The following TUBGCP3 variants were observed in gnomAD, a reference collection of about 807,000 sequenced individuals.
TUBGCP3 encodes the protein gamma-tubulin complex component 3.
In TUBGCP3, 50 loss-of-function variants were observed where a neutral mutation model predicts 123.1. The ratio of observed to expected loss-of-function variants is 0.41; its 90% CI spans 0.32 to 0.51. TUBGCP3 has a LOEUF of 0.51. Ranked by LOEUF, TUBGCP3 falls within the 20% of genes least tolerant of loss-of-function variation. The pLI is 0.36. For synonymous variants in TUBGCP3, 405 were observed against 413.9 expected, an observed-to-expected ratio of 0.98 and a Z score of 0.26; for missense variants, 882 against 1,127.0, an observed-to-expected ratio of 0.78 and a Z score of 3.11.
intron 19 of TUBGCP3, among the ~76,000 whole-genome samples, chr13:112,500,282 C>G (rs1011744451): frequency 7.2e-5 from 11 of 152,092 alleles, no homozygotes; most frequent in Admixed American, 1.3e-4. Context: ...AGGGCAGAAC[C>G]CTCTTAGCTT....
intron 20 of TUBGCP3, 125 bp from the exon 21 acceptor site, chr13:112,489,822 A>T: frequency 1.5e-6 from 1 of 682,730 alleles, no homozygotes; most frequent in Non-Finnish European, 2.5e-6. Flanking sequence ...GTACTGTTCA[A>T]CACTTTCACA....
Position 112,545,616 on chromosome 13 carries a change from A to T in TUBGCP3, c.1335+83T>A. The T allele has an allele frequency of 6.6e-7, 1 of 1,508,556 alleles. No individual in the cohort carries two copies. Among genetic ancestry groups the T allele is most frequent in the Non-Finnish European group, 9.1e-7 (1 of 1,092,986 alleles). 93.4% of individuals were successfully genotyped at this position (1,508,556 alleles called of 1,614,324 possible). A position where few individuals can be genotyped will look rare whatever the true frequency, so the allele number is the denominator to read the frequency against. ...GCATTCCTGTTAGGAGAACATGGTA[A>T]TCATGAGGGGAAAAATGAAACAGCA... On this transcript the variant is annotated intron_variant, in intron 11 of 21. Coordinates refer to ENST00000261965, the MANE Select transcript of TUBGCP3 (RefSeq NM_006322.6). The surrounding 1 kb of genome is among the most constrained non-coding windows in gnomAD (Gnocchi z 4.1).
At chr13:112,583,856 C>T (rs945328994) in intron 1 of TUBGCP3, among the ~76,000 whole-genome samples, 3 of 152,190 alleles carry the variant, frequency 2.0e-5, no homozygotes, top group Non-Finnish European at 4.4e-5. Flanking sequence ...AGAGCACATA[C>T]ACTAGCCACC....
At chr13:112,572,900 C>T (rs1193652739) in intron 1 of TUBGCP3, among the ~76,000 whole-genome samples, 1 of 152,042 alleles carries the variant, frequency 6.6e-6, no homozygotes, top group South Asian at 2.1e-4. Context: ...GTGCCAAAAA[C>T]TTCCAATTGT....
upstream of TUBGCP3, among the ~76,000 whole-genome samples, chr13:112,592,963 C>T (rs180864065): frequency 1.3e-4 from 20 of 152,160 alleles, no homozygotes; most frequent in Admixed American, 9.2e-4. The surrounding 1 kb of genome is among the most constrained non-coding windows in gnomAD (Gnocchi z 4.1). Flanking sequence ...AAACTAGTTT[C>T]GAAAAAGAAA....
intron 13 of TUBGCP3, among the ~76,000 whole-genome samples, chr13:112,525,844 CT>C (rs1877010801): frequency 6.6e-6 from 1 of 152,166 alleles, no homozygotes; most frequent in Non-Finnish European, 1.5e-5. Context: ...CACACTGCCA[CT>C]TTATCATTTT....
upstream of TUBGCP3, chr13:112,588,227 C>T (rs1882775801): frequency 1.4e-5 from 5 of 359,794 alleles, no homozygotes; most frequent in African/African-American, 2.1e-5. Flanking sequence ...GTTCCCGGCC[C>T]TGTCTGGTGC....
the TUBGCP3 span, among the ~76,000 whole-genome samples, chr13:112,601,830 G>T: frequency 1.3e-5 from 2 of 152,214 alleles, no homozygotes; most frequent in Non-Finnish European, 1.5e-5. Context: ...AAGCCAGAGG[G>T]TAGGAGAACC....
At chr13:112,543,370 T>C (rs934493588) in intron 11 of TUBGCP3, among the ~76,000 whole-genome samples, 1 of 152,170 alleles carries the variant, frequency 6.6e-6, no homozygotes, top group Non-Finnish European at 1.5e-5. Context: ...AGAAAGTTCA[T>C]ACAACAAAAG....
chr13:112,519,788 C>G lies in TUBGCP3; in HGVS notation c.1881+98G>C. ...CAGTTTCCAGAAAGATAACGGCTAG[C>G]TGTGCCTGAAACAACATGGAAAACA... On this transcript the variant is annotated intron_variant, in intron 15 of 21. Coordinates refer to ENST00000261965, the MANE Select transcript of TUBGCP3 (RefSeq NM_006322.6). This position sits in a 1 kb window ranked among gnomAD's most constrained non-coding sequence, Gnocchi z 6.2. 1 of 1,447,230 alleles carries G rather than the reference C, an allele frequency of 6.9e-7. No homozygotes were observed. Among genetic ancestry groups the G allele is most frequent in the Non-Finnish European group, 9.1e-7 (1 of 1,094,856 alleles). 89.6% of individuals were successfully genotyped at this position (1,447,230 alleles called of 1,614,324 possible).
intron 14 of TUBGCP3, 134 bp from the exon 15 acceptor site, chr13:112,520,155 C>T (rs747047381): frequency 6.3e-5 from 46 of 731,094 alleles, no homozygotes; most frequent in South Asian, 1.5e-4. Flanking sequence ...TACAATAATG[C>T]GGCAACAAAA....
At chr13:112,574,698 A>G (rs1324993109) in intron 1 of TUBGCP3, among the ~76,000 whole-genome samples, 1 of 152,234 alleles carries the variant, frequency 6.6e-6, no homozygotes, top group Non-Finnish European at 1.5e-5. Context: ...TGGCAAAAAT[A>G]CATAAAACAC....
chr13:112,489,985 T>A (rs975805650), intron 20 of TUBGCP3, among the ~76,000 whole-genome samples: 1 of 150,770 alleles, frequency 6.6e-6, no homozygotes, highest in African/African-American at 2.4e-5. Flanking sequence ...TCATCTCATT[T>A]CATGGGATGA....
chr13:112,579,508 T>G (rs1882122532), intron 1 of TUBGCP3, among the ~76,000 whole-genome samples: 1 of 136,424 alleles, frequency 7.3e-6, no homozygotes, highest in Non-Finnish European at 1.5e-5. Flanking sequence ...CACTGCTGAG[T>G]GTCAGGGGGC....
chr13:112,582,559 T>C (rs1566596259), intron 1 of TUBGCP3, among the ~76,000 whole-genome samples: 2 of 152,208 alleles, frequency 1.3e-5, no homozygotes, highest in Admixed American at 6.5e-5. Context: ...AGGGCGGCAC[T>C]GGACACTGCT....
At chr13:112,580,780 T>G (rs1315520684) in intron 1 of TUBGCP3, among the ~76,000 whole-genome samples, 1 of 152,176 alleles carries the variant, frequency 6.6e-6, no homozygotes, top group Non-Finnish European at 1.5e-5. Flanking sequence ...ATCCAAGAGT[T>G]CAGGAATAGA....
chr13:112,544,646 A>G (rs1878837211), intron 11 of TUBGCP3: 1 of 152,126 alleles, frequency 6.6e-6, no homozygotes, highest in Admixed American at 6.5e-5. Context: ...AGATAAAAAC[A>G]TATCTGTCCC....
intron 20 of TUBGCP3, among the ~76,000 whole-genome samples, chr13:112,498,273 G>A (rs1334492638): frequency 1.3e-5 from 2 of 152,152 alleles, no homozygotes; most frequent in Non-Finnish European, 2.9e-5. Context: ...CTTGGGACCA[G>A]AAGTATTTTG....
chr13:112,566,096 T>A (rs1188376978), intron 2 of TUBGCP3, among the ~76,000 whole-genome samples: 1 of 152,252 alleles, frequency 6.6e-6, no homozygotes, highest in Admixed American at 6.5e-5. Flanking sequence ...ACTTACAAAT[T>A]ATCTGAAAGC....
Sources: allele counts gnomAD v4.1 joint callset (sites outside exome capture counted in the v4.1 genomes callset), GRCh38; gene constraint gnomAD v4.1.1; non-coding constraint Gnocchi (gnomAD v3.1); transcripts MANE v1.5; gene names NCBI Gene and HGNC (gene_info 2026-07-23, HGNC 2026-07-21).